The following PKM variants were observed in gnomAD, a reference collection of about 807,000 sequenced individuals.
PKM encodes the protein pyruvate kinase PKM.
Under a neutral mutation model 49.8 loss-of-function variants are expected in PKM, and 18 were observed. That is an observed-to-expected ratio of 0.36 (90% CI 0.25 to 0.54). PKM has a LOEUF of 0.54. Ranked by LOEUF, PKM falls within the 20% of genes least tolerant of loss-of-function variation. PKM has a pLI of 0.89. For synonymous variants in PKM, 239 were observed against 261.8 expected (o/e 0.91, Z 0.84); for missense variants, 508 against 713.8 (o/e 0.71, Z 3.28).
chr15:72,203,555 C>T (rs1468963535), intron 8 of PKM: 1 of 344,568 alleles, frequency 2.9e-6, no homozygotes, highest in Non-Finnish European at 5.6e-6. Context: ...CATGACATAG[C>T]TTACAGGAAG....
chr15:72,217,924 T>C (rs1464856179), intron 2 of PKM, among the ~76,000 whole-genome samples: 1 of 152,242 alleles, frequency 6.6e-6, no homozygotes, highest in Admixed American at 6.5e-5. Context: ...ACCATATGGA[T>C]TCTTTTTGCA....
At chr15:72,215,859 T>G in intron 3 of PKM, among the ~76,000 whole-genome samples, 1 of 152,118 alleles carries the variant, frequency 6.6e-6, no homozygotes, top group Non-Finnish European at 1.5e-5. Context: ...AGCTAACACT[T>G]AATTCTCTAA....
intron 6 of PKM, among the ~76,000 whole-genome samples, chr15:72,207,557 G>A (rs929095163): frequency 6.6e-6 from 1 of 152,192 alleles, no homozygotes; most frequent in African/African-American, 2.4e-5. Flanking sequence ...TCATTCCCAA[G>A]GTCTCCTCTC....
intron 5 of PKM, 47 bp downstream of exon 5, chr15:72,209,616 GGAAGTTTAGA>G (rs2082191263): frequency 6.7e-6 from 10 of 1,495,952 alleles, no homozygotes; most frequent in Non-Finnish European, 8.4e-6. Flanking sequence ...CTTGTGTCAA[GGAAGTTTAGA>G]GACAAAAGAC....
intron 3 of PKM, among the ~76,000 whole-genome samples, chr15:72,211,998 G>A (rs995412432): frequency 6.6e-6 from 1 of 152,148 alleles, no homozygotes; most frequent in Non-Finnish European, 1.5e-5. Flanking sequence ...AGGCTGGAGG[G>A]AGCTGGAGCC....
intron 4 of PKM, 115 bp downstream of exon 4, chr15:72,210,232 C>T: frequency 4.7e-6 from 5 of 1,057,224 alleles, no homozygotes; most frequent in Non-Finnish European, 7.2e-6. Context: ...ACCTCAACTC[C>T]TCTGCAGTCC....
chr15:72,199,141 A>G lies in PKM; in HGVS notation c.*509T>C, dbSNP rs2081863432. ...TGGAGGGTGGAGTGTTTGCTGCAGG[A>G]CAGCTGAGTGGAGGGTGGGGACAGG... On this transcript the variant is annotated 3_prime_UTR_variant, in exon 11 of 11. Transcript: ENST00000335181. 3.1e-6 allele frequency: 1 copy of G among 323,218 alleles called. No homozygotes were observed. The allele number at this position is 323,218 out of a possible 1,614,324, so 20.0% of individuals were successfully genotyped here.
In PKM at chr15:72,210,471, G is replaced by A. The variant is rs772455998; in HGVS notation, c.254C>T (p.Ala85Val). 88 of 1,613,976 alleles carry A rather than the reference G, an allele frequency of 5.5e-5. No homozygotes were observed. The highest frequency in any genetic ancestry group is 6.8e-5 in the Non-Finnish European group (80 of 1,179,970). Residue 85 changes from alanine to valine, a missense_variant, in exon 4 of 11, where the codon GCG becomes GTG. By Grantham distance (64) the Ala-to-Val change is moderately conservative. Coordinates refer to ENST00000335181, the MANE Select transcript of PKM (RefSeq NM_002654.6). ...NFSHGTHEYHAETIKNVRTAT... is the reference protein window; with the variant it reads ...NFSHGTHEYHVETIKNVRTAT... ...TGTGCGCACATTCTTGATGGTCTCC[G>A]CATGGTACTGGGGGAAAAGAAGGAA...
chr15:72,225,614 ATACTGTATAT>A (rs2082646863), intron 1 of PKM, among the ~76,000 whole-genome samples: 1 of 152,212 alleles, frequency 6.6e-6, no homozygotes, highest in Non-Finnish European at 1.5e-5. Flanking sequence ...CCTAAGTGGT[ATACTGTATAT>A]ATCACTGAGT....
Position 72,231,134 on chromosome 15 carries a change from CG to C in PKM, c.-33del. The C allele has an allele frequency of 3.0e-6, 1 of 329,648 alleles. No homozygotes were observed. The highest frequency in any genetic ancestry group is 6.1e-6 in the Non-Finnish European group (1 of 162,700). 20.4% of individuals were successfully genotyped at this position (329,648 alleles called of 1,614,324 possible). ...CGCTCACCTCCGGCGCTGACCGACT[CG>C]GGCTACGCTGCAAAGACGAAGAGAT... On this transcript the variant is annotated 5_prime_UTR_variant, in exon 1 of 11. Transcript: ENST00000335181.
chr15:72,202,335 C>T lies in PKM; in HGVS notation c.1307+119G>A, dbSNP rs1201679314. The T allele has an allele frequency of 2.6e-5, 27 of 1,039,784 alleles. No individual in the cohort carries two copies. The highest frequency in any genetic ancestry group is 3.9e-5 in the Non-Finnish European group (27 of 689,790). 64.4% of individuals were successfully genotyped at this position (1,039,784 alleles called of 1,614,324 possible). ...TTCCCTGCAGGCCCAAGGTGGCAGG[C>T]AGAGGGGTCTTACCTTGGCTCAGTG... On this transcript the variant is annotated intron_variant, in intron 9 of 10. Transcript: ENST00000335181. The surrounding 1 kb of genome is among the most constrained non-coding windows in gnomAD (Gnocchi z 4.5).
intron 1 of PKM, among the ~76,000 whole-genome samples, chr15:72,223,625 G>A (rs1032817992): frequency 5.3e-5 from 8 of 152,152 alleles, no homozygotes; most frequent in Non-Finnish European, 1.2e-4. Context: ...TCTAAGATTT[G>A]CCCTAATCAA....
chr15:72,224,592 T>A (rs67195650), intron 1 of PKM, among the ~76,000 whole-genome samples: 5,671 of 152,162 alleles, frequency 0.037, 187 homozygotes, highest in African/African-American at 0.089. Flanking sequence ...GCTGGCTGTG[T>A]TGGCTCACGC....
intron 8 of PKM, chr15:72,204,499 T>C (rs1453293449): frequency 6.6e-6 from 1 of 152,194 alleles, no homozygotes; most frequent in South Asian, 2.1e-4. Context: ...TCTCATCTCC[T>C]GCTAGACAGA....
In PKM at chr15:72,202,625, G is replaced by A; in HGVS notation, c.1141-5C>T. On this transcript the variant is annotated splice_region_variant and splice_polypyrimidine_tract_variant and intron_variant, in intron 8 of 10. Coordinates refer to ENST00000335181, the MANE Select transcript of PKM (RefSeq NM_002654.6). The surrounding 1 kb of genome is among the most constrained non-coding windows in gnomAD (Gnocchi z 4.5). ...AGCCTCTGCCTCACGGGCAATCTAG[G>A]GGAGCAACATCCGTCCAGAGGGACG... 6.2e-7 allele frequency: 1 copy of A among 1,612,022 alleles called. No individual in the cohort carries two copies. The highest frequency in any genetic ancestry group is 8.5e-7 in the Non-Finnish European group (1 of 1,179,064).
In PKM at chr15:72,200,473, C is replaced by A; in HGVS notation, c.1489+1G>T. The A allele has an allele frequency of 6.2e-7, 1 of 1,612,902 alleles. No homozygotes were observed. Among genetic ancestry groups the A allele is most frequent in the Non-Finnish European group, 8.5e-7 (1 of 1,179,718 alleles). ...CTCTAGCCCCTGCTCCAGCCACGTA[C>A]CAACATTCATGGCAAAGTTCACCCG... On this transcript the variant is annotated splice_donor_variant, in intron 10 of 10. Coordinates refer to ENST00000335181, the MANE Select transcript of PKM (RefSeq NM_002654.6). LOFTEE classifies it high-confidence loss of function. The surrounding 1 kb of genome is among the most constrained non-coding windows in gnomAD (Gnocchi z 4.6).
intron 1 of PKM, chr15:72,222,539 ACTC>A (rs1342678779): frequency 6.6e-6 from 1 of 151,568 alleles, no homozygotes; most frequent in African/African-American, 2.4e-5. Flanking sequence ...TCTGGGAAAG[ACTC>A]CTCTCCCTCA....
intron 1 of PKM, chr15:72,228,610 T>C (rs1254828669): frequency 1.6e-6 from 2 of 1,279,168 alleles, no homozygotes; most frequent in Admixed American, 2.3e-5. Context: ...AGCAGAATAA[T>C]TGAAAGGTTG....
At chr15:72,208,550 G>C in intron 6 of PKM, 71 bp downstream of exon 6, 1 of 1,515,016 alleles carries the variant, frequency 6.6e-7, no homozygotes, top group Non-Finnish European at 9.2e-7. Context: ...CTGGGAATCA[G>C]ACATTCACAG....
Sources: allele counts gnomAD v4.1 joint callset (sites outside exome capture counted in the v4.1 genomes callset), GRCh38; gene constraint gnomAD v4.1.1; non-coding constraint Gnocchi (gnomAD v3.1); transcripts MANE v1.5; gene names NCBI Gene and HGNC (gene_info 2026-07-23, HGNC 2026-07-21).